The following IL7 variants were observed in gnomAD, a reference collection of about 807,000 sequenced individuals.
IL7 encodes the protein interleukin 7.
Under a neutral mutation model 21.6 loss-of-function variants are expected in IL7, and 3 were observed. The ratio of observed to expected loss-of-function variants is 0.14; its 90% CI spans 0.06 to 0.36. The LOEUF is 0.36. Among genes scored for constraint, IL7 ranks in the 10% least tolerant of loss-of-function variants. The pLI is 1.00. For missense variants in IL7, 175 were observed against 200.2 expected (o/e 0.87, Z 0.76); for synonymous variants, 62 against 68.1 (o/e 0.91, Z 0.44).
intron 3 of IL7, among the ~76,000 whole-genome samples, chr8:78,710,813 C>T (rs1183500552): frequency 6.6e-6 from 1 of 152,046 alleles, no homozygotes; most frequent in Non-Finnish European, 1.5e-5. Context: ...CTTTTAAGAA[C>T]TTTAAATCCT....
Position 78,706,146 on chromosome 8 carries a change from C to G in IL7, n.214+15202G>C, listed in dbSNP as rs192294087. ...CCAAACAGCAAAGATGGCAGCCTGT[C>G]CCTTCCCCTGGGAGTTCCATCCCAG... is the stretch of plus-strand genomic sequence containing the variant. On this transcript the variant is annotated intron_variant and non_coding_transcript_variant, in intron 3 of 4. Transcript: ENST00000523959. Among the ~76,000 whole-genome samples, 6 of 152,312 alleles carry G rather than the reference C, an allele frequency of 3.9e-5. No homozygotes were observed. The East Asian group carries it at 1.2e-3, about 29-fold the overall frequency.
intron 3 of IL7, chr8:78,712,146 T>C (rs1208409093): frequency 4.3e-6 from 5 of 1,172,144 alleles, no homozygotes; most frequent in Non-Finnish European, 5.6e-6. Flanking sequence ...ATTTTTCAGA[T>C]ATTTCCTTAA....
chr8:78,777,049 C>A (rs999130145), intron 2 of IL7, among the ~76,000 whole-genome samples: 1 of 151,972 alleles, frequency 6.6e-6, no homozygotes, highest in Non-Finnish European at 1.5e-5. Context: ...ATAATAAGCA[C>A]CATTAAGAGA....
At chr8:78,715,434 G>C, downstream of IL7, 1 of 1,057,914 alleles carries the variant, frequency 9.5e-7, no homozygotes, top group Non-Finnish European at 1.3e-6. Context: ...TAGAAAACCT[G>C]ATTTTTTTCT....
Position 78,802,069 on chromosome 8 carries a change from A to T in IL7, c.10+2844T>A, listed in dbSNP as rs557280644. 4.6e-5 allele frequency among the ~76,000 whole-genome samples: 7 copies of T among 152,354 alleles called. No individual in the cohort carries two copies. The East Asian group carries it at 1.3e-3, about 29-fold the overall frequency. ...GGGATTGCCCTTACTTCCCCTGAAGAGGCTGAAATTGGAGAATTTGTTTTC... is the reference window on the plus strand; with the variant it reads ...GGGATTGCCCTTACTTCCCCTGAAGTGGCTGAAATTGGAGAATTTGTTTTC... On this transcript the variant is annotated intron_variant, in intron 1 of 5. Transcript: ENST00000263851.
In IL7 at chr8:78,697,500, G is replaced by T; in HGVS notation, n.215-11553C>A. ...GCAGCCAAGTGGCGCTGGCAAAACT[G>T]TTGTAGGTAATGATAGCCGAAAAGC... On this transcript the variant is annotated intron_variant and non_coding_transcript_variant, in intron 3 of 4. Coordinates refer to the IL7 transcript ENST00000523959. 6.2e-7 allele frequency: 1 copy of T among 1,605,608 alleles called. No homozygotes were observed. The highest frequency in any genetic ancestry group is 8.5e-7 in the Non-Finnish European group (1 of 1,177,850).
chr8:78,740,270 T>C (rs930343967), intron 2 of IL7, among the ~76,000 whole-genome samples, 188 bp from the exon 3 acceptor site: 1 of 152,180 alleles, frequency 6.6e-6, no homozygotes. Context: ...AATAAGTGTA[T>C]ACACAAATCC....
chr8:78,803,962 T>A (rs1814190435), intron 1 of IL7, among the ~76,000 whole-genome samples: 1 of 152,108 alleles, frequency 6.6e-6, no homozygotes, highest in South Asian at 2.1e-4. Flanking sequence ...AGTTTCCTAT[T>A]CCCGCACCCT....
At chr8:78,726,049 C>T (rs1367414484) in intron 3 of IL7, among the ~76,000 whole-genome samples, 1 of 151,654 alleles carries the variant, frequency 6.6e-6, no homozygotes, top group African/African-American at 2.4e-5. Flanking sequence ...ATATTAAATT[C>T]TGACAATGCT....
At chr8:78,687,770 TTATATA>T (rs35861337) in intron 3 of IL7, among the ~76,000 whole-genome samples, 1 of 25,854 alleles carries the variant, frequency 3.9e-5, no homozygotes, top group African/African-American at 1.3e-4. Context: ...ACGTAAGACA[TTATATA>T]TATATTTACG....
chr8:78,760,037 T>C (rs1812495942), intron 2 of IL7: 3 of 995,182 alleles, frequency 3.0e-6, no homozygotes, highest in Non-Finnish European at 4.2e-6. Flanking sequence ...ATGTATTCAA[T>C]GGAGTCCTAT....
chr8:78,770,324 A>G (rs1402425704), intron 2 of IL7, among the ~76,000 whole-genome samples: 1 of 151,988 alleles, frequency 6.6e-6, no homozygotes, highest in Non-Finnish European at 1.5e-5. Context: ...TAGTTATCAC[A>G]AAATTCAGTA....
chr8:78,744,564 A>C (rs187170017), intron 2 of IL7, among the ~76,000 whole-genome samples: 2 of 152,238 alleles, frequency 1.3e-5, no homozygotes, highest in East Asian at 3.9e-4. Context: ...AATGTGTCTT[A>C]TCCTTTGAGG....
intron 1 of IL7, among the ~76,000 whole-genome samples, chr8:78,803,088 T>G (rs1051516919): frequency 4.6e-5 from 7 of 152,238 alleles, no homozygotes; most frequent in African/African-American, 1.7e-4. Context: ...TTTCCATTTT[T>G]TAAAAAAATA....
At chr8:78,752,675 A>G (rs762211259) in intron 2 of IL7, among the ~76,000 whole-genome samples, 3 of 152,122 alleles carry the variant, frequency 2.0e-5, no homozygotes, top group Non-Finnish European at 4.4e-5. Context: ...TACATGTGCC[A>G]TGGTGGTTTG....
chr8:78,801,889 C>A (rs1267142894), intron 1 of IL7, among the ~76,000 whole-genome samples: 1 of 152,166 alleles, frequency 6.6e-6, no homozygotes, highest in East Asian at 1.9e-4. Flanking sequence ...GAAGACCTTT[C>A]TCCTACATCA....
chr8:78,693,477 G>A (rs1810287182), intron 3 of IL7, among the ~76,000 whole-genome samples: 1 of 152,156 alleles, frequency 6.6e-6, no homozygotes, highest in Admixed American at 6.5e-5. Flanking sequence ...TTTCTCTGAT[G>A]GCCAGTAATG....
At chr8:78,800,344 C>T (rs1041006960) in intron 1 of IL7, among the ~76,000 whole-genome samples, 2 of 152,146 alleles carry the variant, frequency 1.3e-5, no homozygotes, top group Non-Finnish European at 2.9e-5. Context: ...GCTGCCCAGG[C>T]TGGAGTGCAG....
At chr8:78,760,722 T>G (rs1812524595) in intron 2 of IL7, 1 of 1,560,714 alleles carries the variant, frequency 6.4e-7, no homozygotes, top group African/African-American at 1.5e-5. Flanking sequence ...CTCTCAAAGG[T>G]TAGCTGAGAT....
Sources: allele counts gnomAD v4.1 joint callset (sites outside exome capture counted in the v4.1 genomes callset), GRCh38; gene constraint gnomAD v4.1.1; transcripts MANE v1.5; gene names NCBI Gene and HGNC (gene_info 2026-07-23, HGNC 2026-07-21).